RTN4: variants seen among roughly 807,000 people sequenced by gnomAD.
The protein encoded by RTN4 is reticulon 4, also known as reticulon-4.
RTN4 carries 32 observed loss-of-function variants against 90.4 expected under a neutral mutation model. That is an observed-to-expected ratio of 0.35 (90% CI 0.27 to 0.48). RTN4 has a LOEUF of 0.48. Ranked by LOEUF, RTN4 falls within the 20% of genes least tolerant of loss-of-function variation. RTN4 has a pLI of 0.99. For missense variants in RTN4, 1,706 were observed against 1,430.2 expected, an observed-to-expected ratio of 1.19 and a Z score of -3.11; for synonymous variants, 629 against 552.5, an observed-to-expected ratio of 1.14 and a Z score of -1.94.
intron 3 of RTN4, among the ~76,000 whole-genome samples, chr2:54,996,655 T>A (rs1679450088): frequency 6.6e-6 from 1 of 152,362 alleles, no homozygotes; most frequent in East Asian, 1.9e-4. Context: ...TGACGTTGGA[T>A]TCTTCTACTT....
chr2:54,991,267 T>A (rs565331645), intron 3 of RTN4, among the ~76,000 whole-genome samples: 229 of 152,328 alleles, frequency 1.5e-3, no homozygotes, highest in African/African-American at 5.4e-3. Flanking sequence ...TCAATGACTT[T>A]AGATTTGAGA....
intron 1 of RTN4, chr2:55,049,199 G>T: frequency 1.0e-6 from 1 of 986,486 alleles, no homozygotes; most frequent in Non-Finnish European, 1.2e-6. Flanking sequence ...ACAGGAGGAG[G>T]GGGAGGGGAA....
In RTN4 at chr2:55,077,034, G is replaced by A. The variant is rs7556680; in HGVS notation, c.-63+3455C>T. ...GTTCTTTTTTTTTTTTTTTTGAGACGGAGTTTGTCGCTCTGTCGTCCAGGT... is the reference window on the plus strand; with the variant it reads ...GTTCTTTTTTTTTTTTTTTTGAGACAGAGTTTGTCGCTCTGTCGTCCAGGT... On this transcript the variant is annotated intron_variant, in intron 2 of 3. Transcript: ENST00000427710. 9.1e-3 allele frequency among the ~76,000 whole-genome samples: 1,338 copies of A among 147,432 alleles called. 19 individuals are homozygous for A. Among genetic ancestry groups the A allele is most frequent in the African/African-American group, 0.031 (1,263 of 40,202 alleles).
Position 55,087,243 on chromosome 2 carries a change from T to C in RTN4, c.-213-6604A>G, listed in dbSNP as rs1026150322. On this transcript the variant is annotated intron_variant, in intron 1 of 3. Coordinates refer to the RTN4 transcript ENST00000427710. ...GTTCAGTATATACCTTGAAGTGTAA[T>C]TGCTGGGTCATTCATCTGCATGCAT... 3.9e-5 allele frequency among the ~76,000 whole-genome samples: 6 copies of C among 152,180 alleles called. 1 individual carries two copies. The highest frequency in any genetic ancestry group is 2.1e-4 in the South Asian group (1 of 4,836).
intron 4 of RTN4, among the ~76,000 whole-genome samples, chr2:54,986,138 A>C (rs1213712225): frequency 6.6e-6 from 1 of 152,196 alleles, no homozygotes; most frequent in Non-Finnish European, 1.5e-5. Flanking sequence ...TAAATGAGAG[A>C]CAAGACAAAG....
chr2:55,100,830 G>C (rs1667840252), intron 1 of RTN4, among the ~76,000 whole-genome samples: 2 of 151,284 alleles, frequency 1.3e-5, no homozygotes, highest in South Asian at 4.2e-4. Context: ...AAATTTACTT[G>C]CTTGTTTTAT....
chr2:55,112,289 C>T lies in RTN4; in HGVS notation c.-214+231G>A, dbSNP rs551445455. On this transcript the variant is annotated intron_variant, in intron 1 of 3. Transcript: ENST00000427710. ...CACTTGGCATATGTTGCCTCATCTA[C>T]CCCCGGACAGCAACCCCGTAAAATC... Among the ~76,000 whole-genome samples, 21 of 152,322 alleles carry T rather than the reference C, an allele frequency of 1.4e-4. No individual in the cohort carries two copies. In the South Asian group the frequency reaches 3.3e-3, roughly 24 times the overall value.
chr2:55,058,456 G>A (rs566168556), intron 2 of RTN4, among the ~76,000 whole-genome samples: 6 of 152,294 alleles, frequency 3.9e-5, no homozygotes, highest in South Asian at 4.1e-4. Context: ...TTACCCATAC[G>A]AAATTTCCAT....
At chr2:55,102,101 C>T (rs1032279050) in intron 1 of RTN4, among the ~76,000 whole-genome samples, 1 of 152,074 alleles carries the variant, frequency 6.6e-6, no homozygotes, top group African/African-American at 2.4e-5. Context: ...ATCATGAGCA[C>T]CAAATTCCTT....
intron 5 of RTN4, among the ~76,000 whole-genome samples, chr2:54,980,879 A>G (rs1348829384): frequency 6.6e-6 from 1 of 152,210 alleles, no homozygotes; most frequent in African/African-American, 2.4e-5. Flanking sequence ...TACGTATAGA[A>G]GGTAATAATA....
At chr2:55,136,859 A>T in the RTN4 span, among the ~76,000 whole-genome samples, 4 of 152,200 alleles carry the variant, frequency 2.6e-5, no homozygotes, top group Non-Finnish European at 5.9e-5. Flanking sequence ...ACTTAATTGA[A>T]TTCAGCAAAT....
chr2:54,979,155 G>A (rs1303786317), intron 5 of RTN4, among the ~76,000 whole-genome samples: 1 of 151,540 alleles, frequency 6.6e-6, no homozygotes, highest in Non-Finnish European at 1.5e-5. Flanking sequence ...CTGGGCTCAA[G>A]AATCCTCTTG....
chr2:55,132,479 G>C, the RTN4 span, among the ~76,000 whole-genome samples: 1 of 150,076 alleles, frequency 6.7e-6, no homozygotes, highest in Admixed American at 6.7e-5. Flanking sequence ...CTCCAGCCTG[G>C]GCAACAGAGT....
chr2:54,973,756 TC>T, intron 7 of RTN4, 64 bp downstream of exon 7: 2 of 1,539,740 alleles, frequency 1.3e-6, no homozygotes, highest in Non-Finnish European at 1.8e-6. Context: ...CACTAATACA[TC>T]CGTAAATCCC....
intron 3 of RTN4, among the ~76,000 whole-genome samples, chr2:54,998,229 C>CT (rs1187509818): frequency 7.7e-6 from 1 of 129,812 alleles, no homozygotes; most frequent in Admixed American, 8.2e-5. Context: ...GTGTGGGGGG[C>CT]TTTTTTTGGG....
intron 1 of RTN4, 116 bp from the exon 2 acceptor site, chr2:55,028,336 G>C (rs1000295634): frequency 1.2e-5 from 9 of 776,530 alleles, no homozygotes; most frequent in Non-Finnish European, 1.8e-5. Context: ...AAACTTTACA[G>C]AGAAAGGGCC....
the RTN4 span, among the ~76,000 whole-genome samples, chr2:55,132,887 TTTG>T: frequency 8.0e-3 from 184 of 23,014 alleles, no homozygotes; most frequent in Non-Finnish European, 0.014. Context: ...ACTCTCCAGT[TTTG>T]TTGTTGTTTT....
At chr2:55,035,240 T>C (rs1462297500) in intron 1 of RTN4, among the ~76,000 whole-genome samples, 1 of 152,132 alleles carries the variant, frequency 6.6e-6, no homozygotes, top group East Asian at 1.9e-4. Flanking sequence ...CAAGTACATA[T>C]GGAACATTCA....
intron 3 of RTN4, among the ~76,000 whole-genome samples, chr2:55,000,256 A>T (rs2104742906): frequency 6.6e-6 from 1 of 152,302 alleles, no homozygotes; most frequent in East Asian, 1.9e-4. Context: ...GGTACCTGTT[A>T]CTGCTACAAA....
Sources: allele counts gnomAD v4.1 joint callset (sites outside exome capture counted in the v4.1 genomes callset), GRCh38; gene constraint gnomAD v4.1.1; transcripts MANE v1.5; gene names NCBI Gene and HGNC (gene_info 2026-07-23, HGNC 2026-07-21).